The following TMEM181 variants were observed in gnomAD, a reference collection of about 807,000 sequenced individuals.
The protein encoded by TMEM181 is transmembrane protein 181.
TMEM181 carries 39 observed loss-of-function variants against 71.9 expected under a neutral mutation model. That is an observed-to-expected ratio of 0.54 (90% CI 0.42 to 0.71). The LOEUF is 0.71. Among genes scored for constraint, TMEM181 ranks in the 30% least tolerant of loss-of-function variants. The probability of loss-of-function intolerance (pLI) is 0.00; values close to 1 mark genes in which losing one functional copy is unlikely to be tolerated. For missense variants in TMEM181, 595 were observed against 583.0 expected, an observed-to-expected ratio of 1.02 and a Z score of -0.21; for synonymous variants, 245 against 228.8, an observed-to-expected ratio of 1.07 and a Z score of -0.64.
At chr6:158,574,382 T>C (rs942468510) in intron 2 of TMEM181, among the ~76,000 whole-genome samples, 2 of 152,160 alleles carry the variant, frequency 1.3e-5, no homozygotes, top group Non-Finnish European at 2.9e-5. Context: ...TCTTTCCCGT[T>C]AAGTCATCAA....
chr6:158,624,042 G>A lies in TMEM181; in HGVS notation c.954+435G>A, dbSNP rs979495965. On this transcript the variant is annotated intron_variant, in intron 11 of 16. Transcript: ENST00000684151. ...CTCCCAAAGTGCTGGGATTACAGGC[G>A]TGAGCCACTGTACCCGGCAGAAAAG... 4.6e-5 allele frequency among the ~76,000 whole-genome samples: 7 copies of A among 152,326 alleles called. No individual in the cohort carries two copies. In the East Asian group the frequency reaches 1.2e-3, roughly 25 times the overall value.
At chr6:158,558,500 T>C (rs1781987055), upstream of TMEM181, among the ~76,000 whole-genome samples, 1 of 152,142 alleles carries the variant, frequency 6.6e-6, no homozygotes, top group Non-Finnish European at 1.5e-5. Flanking sequence ...AGACAACATT[T>C]ATGGACAGAA....
intron 13 of TMEM181, chr6:158,626,801 TCA>T (rs1035719854): frequency 2.2e-6 from 1 of 454,822 alleles, no homozygotes. Flanking sequence ...ATGCCTTCAC[TCA>T]CAACTGACCC....
intron 2 of TMEM181, among the ~76,000 whole-genome samples, chr6:158,575,847 A>G (rs1783124369): frequency 6.6e-6 from 1 of 152,214 alleles, no homozygotes; most frequent in Non-Finnish European, 1.5e-5. Flanking sequence ...TTGTTGGCAG[A>G]CAATCCTTCT....
At position 158,572,557 on chromosome 6, in the gene TMEM181, C is replaced by T. The variant is rs145532217; in HGVS notation, c.9-863C>T. On this transcript the variant is annotated intron_variant, in intron 1 of 16. Transcript: ENST00000684151. ...TGACTGGGACACAGCCATGCTCGTG[C>T]GTCCTGTGCTGCTCAGAGAAGTAGA... is the stretch of plus-strand genomic sequence containing the variant. 73 of 448,736 alleles carry T rather than the reference C, an allele frequency of 1.6e-4. No individual in the cohort carries two copies. The East Asian group carries it at 2.0e-3, about 12-fold the overall frequency. The allele number at this position is 448,736 out of a possible 1,614,324, so 27.8% of individuals were successfully genotyped here. A position where few individuals can be genotyped will look rare whatever the true frequency, so the allele number is the denominator to read the frequency against.
At chr6:158,597,830 A>T (rs959865755) in intron 6 of TMEM181, among the ~76,000 whole-genome samples, 1 of 152,046 alleles carries the variant, frequency 6.6e-6, no homozygotes, top group Non-Finnish European at 1.5e-5. Context: ...ATAAGGTGCA[A>T]ATCCATTCAT....
chr6:158,572,810 G>GTGGC (rs1029426340), intron 1 of TMEM181, among the ~76,000 whole-genome samples: 3 of 152,218 alleles, frequency 2.0e-5, no homozygotes, highest in African/African-American at 7.2e-5. Flanking sequence ...TCCGTGTTGG[G>GTGGC]TGGCACAAGG....
chr6:158,597,250 A>T (rs1184712216), intron 6 of TMEM181, among the ~76,000 whole-genome samples: 1 of 152,196 alleles, frequency 6.6e-6, no homozygotes, highest in East Asian at 1.9e-4. Context: ...TTTATCTTTT[A>T]AGTAGATAGA....
intron 1 of TMEM181, among the ~76,000 whole-genome samples, chr6:158,544,205 G>GTGTGTGTGTGTGTGTT (rs2128278681): frequency 6.6e-6 from 1 of 151,516 alleles, no homozygotes; most frequent in Admixed American, 6.6e-5. Context: ...GTGTGTGTGT[G>GTGTGTGTGTGTGTGTT]TGTGTGTGTG....
At chr6:158,631,693 GA>G in intron 16 of TMEM181, 116 bp from the exon 17 acceptor site, 1 of 1,225,026 alleles carries the variant, frequency 8.2e-7, no homozygotes, top group Non-Finnish European at 1.2e-6. Context: ...GTTGGTGATA[GA>G]AAATTGAAAG....
intron 10 of TMEM181, among the ~76,000 whole-genome samples, chr6:158,612,141 GGTGCCCAGCT>G (rs1404127278): frequency 1.3e-5 from 2 of 152,042 alleles, no homozygotes; most frequent in South Asian, 2.1e-4. Context: ...AAGAGACTTG[GGTGCCCAGCT>G]GTGCCCAGCT....
chr6:158,630,336 A>G (rs1786589546), intron 15 of TMEM181, among the ~76,000 whole-genome samples: 1 of 152,044 alleles, frequency 6.6e-6, no homozygotes, highest in South Asian at 2.1e-4. Context: ...ATCTCTCCAA[A>G]AATTTAAAAA....
At chr6:158,583,217 A>G (rs1029169985) in intron 3 of TMEM181, among the ~76,000 whole-genome samples, 1 of 152,204 alleles carries the variant, frequency 6.6e-6, no homozygotes, top group African/African-American at 2.4e-5. Context: ...TGGGTGACAG[A>G]GCTAGACTCC....
chr6:158,614,650 C>T (rs1422113037), intron 10 of TMEM181, among the ~76,000 whole-genome samples: 2 of 152,070 alleles, frequency 1.3e-5, no homozygotes, highest in African/African-American at 2.4e-5. Flanking sequence ...CCCCACCCTA[C>T]GACAGGCCCT....
At chr6:158,629,283 A>AT (rs530927430) in intron 14 of TMEM181, among the ~76,000 whole-genome samples, 2 of 152,208 alleles carry the variant, frequency 1.3e-5, no homozygotes, top group South Asian at 4.1e-4. Flanking sequence ...CTTTTATCTG[A>AT]TTTTCATAGG....
chr6:158,611,053 A>G, intron 10 of TMEM181: 1 of 457,568 alleles, frequency 2.2e-6, no homozygotes, highest in South Asian at 1.8e-5. Flanking sequence ...TGAGAGAGTC[A>G]TCCAGAAACT....
chr6:158,617,636 C>T (rs1368646790), intron 10 of TMEM181, among the ~76,000 whole-genome samples: 1 of 152,202 alleles, frequency 6.6e-6, no homozygotes, highest in Non-Finnish European at 1.5e-5. Flanking sequence ...TTTTCCTCTA[C>T]ACACTTCTTT....
At chr6:158,596,486 T>C (rs913520612) in intron 6 of TMEM181, among the ~76,000 whole-genome samples, 4 of 152,174 alleles carry the variant, frequency 2.6e-5, no homozygotes, top group African/African-American at 9.7e-5. Flanking sequence ...AGCCTGGTGG[T>C]GCCCTTGGCT....
chr6:158,609,027 G>A (rs140004633), intron 10 of TMEM181, among the ~76,000 whole-genome samples: 506 of 152,026 alleles, frequency 3.3e-3, no homozygotes, highest in African/African-American at 0.011. Context: ...GAGCCTGCGA[G>A]GCACAGGTTG....
Sources: gnomAD v4.1 joint callset for allele counts (sites outside exome capture counted in the v4.1 genomes callset) on GRCh38, gnomAD v4.1.1 for gene constraint, MANE v1.5 for transcripts, NCBI Gene and HGNC (gene_info 2026-07-23, HGNC 2026-07-21) for gene names.